Variants in MYBL1 observed in about 807,000 individuals in gnomAD.
MYBL1 encodes the protein MYB proto-oncogene like 1.
MYBL1 carries 17 observed loss-of-function variants against 96.3 expected under a neutral mutation model. The ratio of observed to expected loss-of-function variants is 0.18; its 90% CI spans 0.12 to 0.26. MYBL1 has a LOEUF of 0.26. Among genes scored for constraint, MYBL1 ranks in the 10% least tolerant of loss-of-function variants. MYBL1 has a pLI of 1.00. For synonymous variants in MYBL1, 282 were observed against 292.7 expected (o/e 0.96, Z 0.37); for missense variants, 701 against 882.9 (o/e 0.79, Z 2.61).
At chr8:66,564,872 A>G (rs1401175976) in intron 15 of MYBL1, 47 bp from the exon 16 acceptor site, 2 of 1,366,206 alleles carry the variant, frequency 1.5e-6, no homozygotes, top group African/African-American at 2.9e-5. Context: ...TAAAATAGCT[A>G]TCTATATCAC....
intron 7 of MYBL1, 107 bp downstream of exon 7, chr8:66,593,013 C>A: frequency 3.0e-6 from 2 of 671,650 alleles, no homozygotes; most frequent in Non-Finnish European, 5.1e-6. Flanking sequence ...TAGGACAGAT[C>A]GTATTATTTT....
chr8:66,600,152 G>T (rs1007714368), intron 3 of MYBL1, among the ~76,000 whole-genome samples: 3 of 152,132 alleles, frequency 2.0e-5, no homozygotes, highest in African/African-American at 7.2e-5. Context: ...AATAATAAAT[G>T]AAGCCTTATT....
intron 1 of MYBL1, among the ~76,000 whole-genome samples, chr8:66,605,117 ATCATT>A (rs1158352094): frequency 2.6e-5 from 4 of 152,248 alleles, no homozygotes; most frequent in African/African-American, 9.6e-5. Context: ...CAAAAATATA[ATCATT>A]TCAACATGTA....
At chr8:66,604,430 G>A (rs1212748803) in intron 1 of MYBL1, among the ~76,000 whole-genome samples, 3 of 151,810 alleles carry the variant, frequency 2.0e-5, no homozygotes, top group African/African-American at 7.3e-5. Flanking sequence ...GGCTGAAGCA[G>A]GAGAATCGCT....
At chr8:66,607,291 A>C (rs1356679493) in intron 1 of MYBL1, among the ~76,000 whole-genome samples, 1 of 152,184 alleles carries the variant, frequency 6.6e-6, no homozygotes, top group Non-Finnish European at 1.5e-5. Flanking sequence ...AAAGCTACCG[A>C]ATCAGATAAA....
At chr8:66,611,621 C>T (rs1810530580) in intron 1 of MYBL1, among the ~76,000 whole-genome samples, 1 of 152,146 alleles carries the variant, frequency 6.6e-6, no homozygotes, top group Non-Finnish European at 1.5e-5. Context: ...AGGCTGAAAA[C>T]AGTTTTAGAG....
chr8:66,579,118 A>G (rs1361561812), intron 9 of MYBL1, among the ~76,000 whole-genome samples: 1 of 152,052 alleles, frequency 6.6e-6, no homozygotes, highest in Non-Finnish European at 1.5e-5. Context: ...ATTAGGAGAT[A>G]TACCTAATGC....
At chr8:66,566,330 C>CTA in intron 14 of MYBL1, 87 bp from the exon 15 acceptor site, 1 of 714,672 alleles carries the variant, frequency 1.4e-6, no homozygotes, top group Non-Finnish European at 2.1e-6. Context: ...AATGGAAGCC[C>CTA]TGTTTATTTC....
At position 66,597,379 on chromosome 8, in the gene MYBL1, T is replaced by G; in HGVS notation, c.463A>C (p.Lys155Gln). The G allele has an allele frequency of 6.2e-7, 1 of 1,611,992 alleles. No homozygotes were observed. Among genetic ancestry groups the G allele is most frequent in the Non-Finnish European group, 8.5e-7 (1 of 1,178,926 alleles). Residue 155 changes from lysine (K) to glutamine (Q), a missense_variant, in exon 5 of 16, where the codon AAG becomes CAG. This residue lies in a region of MYBL1 where 37 missense variants were observed against 135.0 expected (regional missense o/e 0.27). Coordinates refer to ENST00000522677, the MANE Select transcript of MYBL1 (RefSeq NM_001080416.4). ...TCTGCCCAACGATTTCCCAACCGCTTATGTGCTTCATAGATGATCCTGTCC... is the reference window on the plus strand; with the variant it reads ...TCTGCCCAACGATTTCCCAACCGCTGATGTGCTTCATAGATGATCCTGTCC... ...EEDRIIYEAHKRLGNRWAEIA... is the reference protein window; with the variant it reads ...EEDRIIYEAHQRLGNRWAEIA...
rs774764944 is a variant in MYBL1, at chr8:66,580,271, A to G, written c.963T>C (p.Phe321=). ...CAGGCTGATTTTCATCCATACTGTA[A>G]AACTCACTAGTGTGCTCGTCAAGGC... ...LNSLDEHTSE[F]YSMDENQPVS... The change falls in exon 9 of 16, where the codon TTT becomes TTC. Residue 321 remains phenylalanine, a synonymous_variant. Transcript: ENST00000522677. 6.2e-7 allele frequency: 1 copy of G among 1,613,852 alleles called. No homozygotes were observed.
At chr8:66,573,336 C>T (rs763853856) in intron 11 of MYBL1, 28 bp downstream of exon 11, 3 of 1,575,810 alleles carry the variant, frequency 1.9e-6, no homozygotes, top group Non-Finnish European at 8.6e-7. Context: ...CCCATTTTCT[C>T]TAACACAATT....
intron 9 of MYBL1, among the ~76,000 whole-genome samples, chr8:66,576,962 A>G (rs1442569247): frequency 6.6e-6 from 1 of 152,220 alleles, no homozygotes; most frequent in Non-Finnish European, 1.5e-5. Context: ...TATAAACAAA[A>G]CCAAAGACAA....
intron 9 of MYBL1, among the ~76,000 whole-genome samples, chr8:66,579,001 G>T (rs1322103475): frequency 2.6e-5 from 4 of 152,110 alleles, no homozygotes; most frequent in Admixed American, 2.6e-4. Context: ...AACACTGCAT[G>T]TTCTCACTCA....
chr8:66,608,667 T>G (rs192720975), intron 1 of MYBL1, among the ~76,000 whole-genome samples: 3 of 152,128 alleles, frequency 2.0e-5, no homozygotes, highest in African/African-American at 7.2e-5. Flanking sequence ...TGGTTAGATA[T>G]CATCAAAATG....
At chr8:66,605,516 C>A (rs1161964099) in intron 1 of MYBL1, among the ~76,000 whole-genome samples, 1 of 152,122 alleles carries the variant, frequency 6.6e-6, no homozygotes, top group African/African-American at 2.4e-5. Flanking sequence ...AAGGGCAAGC[C>A]TTAATGATAA....
At chr8:66,605,499 C>T (rs997746811) in intron 1 of MYBL1, among the ~76,000 whole-genome samples, 1 of 152,104 alleles carries the variant, frequency 6.6e-6, no homozygotes, top group African/African-American at 2.4e-5. Context: ...AATAAAGCCC[C>T]ATAAAAAAGG....
chr8:66,601,177 CAAAAAAAAAAAAAAAAAA>C (rs1167336780), intron 3 of MYBL1, among the ~76,000 whole-genome samples: 1 of 13,900 alleles, frequency 7.2e-5, no homozygotes, highest in Admixed American at 7.8e-4. Flanking sequence ...AACTCCGTCT[CAAAAAAAAAAAAAAAAAA>C]AAAAAAAAAG....
intron 9 of MYBL1, among the ~76,000 whole-genome samples, chr8:66,579,718 C>CA (rs973382051): frequency 7.6e-4 from 112 of 147,480 alleles, no homozygotes; most frequent in African/African-American, 2.3e-3. Flanking sequence ...GGGTGGAAAA[C>CA]AAAAAAAAAT....
chr8:66,601,983 TAC>T (rs1810091090), intron 2 of MYBL1, among the ~76,000 whole-genome samples: 1 of 152,154 alleles, frequency 6.6e-6, no homozygotes, highest in Non-Finnish European at 1.5e-5. Flanking sequence ...AAAAAGAACG[TAC>T]AGTTAATTTG....
Sources: allele counts gnomAD v4.1 joint callset (sites outside exome capture counted in the v4.1 genomes callset), GRCh38; gene constraint gnomAD v4.1.1; regional missense constraint gnomAD v4.1.1; transcripts MANE v1.5; gene names NCBI Gene and HGNC (gene_info 2026-07-23, HGNC 2026-07-21).